Variants in NCAM2 observed in about 807,000 individuals in gnomAD.
NCAM2 encodes neural cell adhesion molecule 2.
NCAM2 carries 30 observed loss-of-function variants against 98.1 expected under a neutral mutation model. That is an observed-to-expected ratio of 0.31 (90% CI 0.23 to 0.41). The LOEUF is 0.41. Among genes scored for constraint, NCAM2 ranks in the 10% least tolerant of loss-of-function variants. The pLI is 1.00. For missense variants in NCAM2, 867 were observed against 1,005.8 expected, an observed-to-expected ratio of 0.86 and a Z score of 1.87; for synonymous variants, 368 against 342.4, an observed-to-expected ratio of 1.07 and a Z score of -0.83.
At chr21:21,460,022 A>C (rs1982733656) in intron 12 of NCAM2, among the ~76,000 whole-genome samples, 2 of 151,968 alleles carry the variant, frequency 1.3e-5, no homozygotes, top group Admixed American at 6.6e-5. Flanking sequence ...ATTATTTCAG[A>C]GTGTATGCAT....
intron 10 of NCAM2, among the ~76,000 whole-genome samples, chr21:21,415,957 A>G (rs906230332): frequency 6.6e-6 from 1 of 152,140 alleles, no homozygotes; most frequent in Admixed American, 6.5e-5. Context: ...CCACTAGCGT[A>G]GTACTTTAGA....
intron 6 of NCAM2, among the ~76,000 whole-genome samples, chr21:21,331,056 T>C (rs768522965): frequency 1.1e-4 from 16 of 152,134 alleles, no homozygotes; most frequent in Non-Finnish European, 2.2e-4. Flanking sequence ...AATATTGGAA[T>C]ATATTTCTAA....
rs375288130 is a variant in NCAM2, at chr21:21,249,674, A to G, written c.56-30904A>G. 1.1e-4 allele frequency among the ~76,000 whole-genome samples: 10 copies of G among 91,294 alleles called. No individual in the cohort carries two copies. The East Asian group carries it at 3.0e-3, about 27-fold the overall frequency. The allele number at this position is 91,294 out of a possible 152,430, so 59.9% of individuals were successfully genotyped here. On this transcript the variant is annotated intron_variant, in intron 1 of 17. Transcript: ENST00000400546. ...GCAGACAATCAGCACCCCCACAATT[A>G]TTTATTTATTTATTTGTTTAAGTAT...
Position 21,210,751 on chromosome 21 carries a change from G to A in NCAM2, c.56-69827G>A, listed in dbSNP as rs1601655562. ...AAGGAATGTCAAAATGTCATTGAAA[G>A]GCAATGAGGTGGAGAACATCTTATT... is the stretch of plus-strand genomic sequence containing the variant. On this transcript the variant is annotated intron_variant, in intron 1 of 17. Coordinates refer to ENST00000400546, the MANE Select transcript of NCAM2 (RefSeq NM_004540.5). The A allele has an allele frequency of 1.1e-5, 9 of 800,196 alleles. No homozygotes were observed. The South Asian group carries it at 1.4e-4, about 13-fold the overall frequency. 49.6% of individuals were successfully genotyped at this position (800,196 alleles called of 1,614,324 possible). A position where few individuals can be genotyped will look rare whatever the true frequency, so the allele number is the denominator to read the frequency against.
intron 9 of NCAM2, among the ~76,000 whole-genome samples, chr21:21,406,879 G>C (rs762182233): frequency 6.6e-6 from 1 of 152,094 alleles, no homozygotes; most frequent in Non-Finnish European, 1.5e-5. Flanking sequence ...AGATAAAAAT[G>C]TTTCCATGCC....
At chr21:21,179,606 C>T (rs2068404383) in intron 1 of NCAM2, among the ~76,000 whole-genome samples, 1 of 152,174 alleles carries the variant, frequency 6.6e-6, no homozygotes, top group South Asian at 2.1e-4. Flanking sequence ...CTCGTAGTGT[C>T]AGCTAATTAT....
intron 11 of NCAM2, among the ~76,000 whole-genome samples, chr21:21,427,553 C>G (rs1299842671): frequency 6.6e-6 from 1 of 152,142 alleles, no homozygotes; most frequent in Non-Finnish European, 1.5e-5. Context: ...GTCATAGAAA[C>G]AGAGAAAAGT....
chr21:21,008,157 G>A (rs967080486), intron 1 of NCAM2, among the ~76,000 whole-genome samples: 1 of 110,114 alleles, frequency 9.1e-6, no homozygotes, highest in African/African-American at 3.4e-5. Context: ...TGACATTTAC[G>A]TGCTTTTGAT....
intron 12 of NCAM2, among the ~76,000 whole-genome samples, chr21:21,459,076 G>C (rs1290341203): frequency 6.6e-6 from 1 of 152,006 alleles, no homozygotes. Context: ...ACATACACAT[G>C]GCCAATAGGT....
At chr21:21,513,382 G>T (rs1458021403) in intron 16 of NCAM2, among the ~76,000 whole-genome samples, 2 of 151,938 alleles carry the variant, frequency 1.3e-5, no homozygotes, top group African/African-American at 2.4e-5. Context: ...ATAGGTTTTG[G>T]TATGTTGTGT....
At chr21:21,487,240 C>T (rs908556623) in intron 15 of NCAM2, among the ~76,000 whole-genome samples, 1 of 152,074 alleles carries the variant, frequency 6.6e-6, no homozygotes, top group East Asian at 1.9e-4. Context: ...AAAAATCAGA[C>T]AGTTTACTTG....
At chr21:21,016,168 G>C (rs1057199643) in intron 1 of NCAM2, among the ~76,000 whole-genome samples, 1 of 151,960 alleles carries the variant, frequency 6.6e-6, no homozygotes, top group African/African-American at 2.4e-5. Flanking sequence ...TTCCTTTCCC[G>C]AATCAACTCC....
At chr21:21,193,676 A>G (rs962780792) in intron 1 of NCAM2, among the ~76,000 whole-genome samples, 7 of 151,756 alleles carry the variant, frequency 4.6e-5, no homozygotes, top group Non-Finnish European at 1.0e-4. Flanking sequence ...TTGTATTTTC[A>G]GAAGAGATGG....
At chr21:21,031,608 A>T (rs2064684152) in intron 1 of NCAM2, among the ~76,000 whole-genome samples, 1 of 152,236 alleles carries the variant, frequency 6.6e-6, no homozygotes, top group South Asian at 2.1e-4. Context: ...GGAAATTTAC[A>T]TCTTATAAAG....
At chr21:21,069,700 TAA>T (rs1218846566) in intron 1 of NCAM2, among the ~76,000 whole-genome samples, 1 of 152,148 alleles carries the variant, frequency 6.6e-6, no homozygotes, top group Non-Finnish European at 1.5e-5. Context: ...AGGGAAGTGA[TAA>T]GTGGTAAAAT....
At chr21:21,501,767 A>G (rs1174255902) in intron 15 of NCAM2, among the ~76,000 whole-genome samples, 2 of 151,976 alleles carry the variant, frequency 1.3e-5, no homozygotes, top group South Asian at 2.1e-4. Context: ...CAATCAAAAC[A>G]AGACTAATTG....
At chr21:21,146,066 C>A (rs1013131270) in intron 1 of NCAM2, among the ~76,000 whole-genome samples, 26 of 152,050 alleles carry the variant, frequency 1.7e-4, no homozygotes, top group Non-Finnish European at 1.3e-4. Context: ...TTACAAGTAA[C>A]AATGGCTAAA....
intron 1 of NCAM2, among the ~76,000 whole-genome samples, chr21:21,230,218 T>C (rs943307086): frequency 6.6e-6 from 1 of 151,256 alleles, no homozygotes; most frequent in Non-Finnish European, 1.5e-5. Flanking sequence ...TTAATTACTC[T>C]ATAATGTATT....
intron 12 of NCAM2, among the ~76,000 whole-genome samples, chr21:21,448,346 A>C (rs1293703357): frequency 1.3e-5 from 2 of 152,012 alleles, no homozygotes; most frequent in Non-Finnish European, 2.9e-5. Flanking sequence ...GAACAATGAG[A>C]ATACATGGAC....
Sources: gnomAD v4.1 joint callset for allele counts (sites outside exome capture counted in the v4.1 genomes callset) on GRCh38, gnomAD v4.1.1 for gene constraint, MANE v1.5 for transcripts, NCBI Gene and HGNC (gene_info 2026-07-23, HGNC 2026-07-21) for gene names.